The following TENM1 variants were observed in gnomAD, a reference collection of about 807,000 sequenced individuals.
TENM1 encodes the protein teneurin-1.
Under a neutral mutation model 174.8 loss-of-function variants are expected in TENM1, and 35 were observed. The observed-to-expected ratio is 0.20, with a 90% CI of 0.15 to 0.27. The LOEUF is 0.27. Ranked by LOEUF, TENM1 falls within the 10% of genes least tolerant of loss-of-function variation. The pLI, the probability that TENM1 is intolerant of heterozygous loss-of-function variation, is 1.00. For missense variants in TENM1, 1,633 were observed against 2,130.1 expected, an observed-to-expected ratio of 0.77 and a Z score of 4.59; for synonymous variants, 781 against 798.7, an observed-to-expected ratio of 0.98 and a Z score of 0.37.
chrX:125,075,790 T>C, the TENM1 span, among the ~76,000 whole-genome samples: 1 of 111,429 alleles, frequency 9.0e-6, no homozygotes, highest in Non-Finnish European at 1.9e-5. Context: ...TTTGACATAA[T>C]GGCTTACAGT....
the TENM1 span, among the ~76,000 whole-genome samples, chrX:125,097,161 G>A: frequency 9.0e-6 from 1 of 111,486 alleles, no homozygotes; most frequent in Admixed American, 9.5e-5. Flanking sequence ...CCTAACTACT[G>A]AAGACCAGGT....
chrX:124,513,453 T>C (rs1299979033), intron 18 of TENM1, among the ~76,000 whole-genome samples: 1 of 112,267 alleles, frequency 8.9e-6, no homozygotes, highest in African/African-American at 3.2e-5. Flanking sequence ...CTCAATTTCA[T>C]CTGTAACCTT....
At chrX:124,720,282 C>T (rs762681454) in intron 4 of TENM1, among the ~76,000 whole-genome samples, 2 of 111,964 alleles carry the variant, frequency 1.8e-5, no homozygotes, top group South Asian at 7.6e-4. Context: ...GAAACATATA[C>T]AGTCTATTTT....
At chrX:124,837,557 C>G (rs2056417696) in intron 3 of TENM1, among the ~76,000 whole-genome samples, 1 of 111,900 alleles carries the variant, frequency 8.9e-6, no homozygotes, top group Non-Finnish European at 1.9e-5. Flanking sequence ...TGGTGAAAAT[C>G]AGTGAAGTGT....
chrX:124,744,947 A>C (rs754586431), intron 3 of TENM1, among the ~76,000 whole-genome samples: 20 of 112,111 alleles, frequency 1.8e-4, no homozygotes, highest in Non-Finnish European at 2.6e-4. Context: ...TCAGGAAAAC[A>C]TTACAACTGT....
chrX:124,885,037 CA>C (rs1316463632), intron 3 of TENM1, among the ~76,000 whole-genome samples: 2 of 111,334 alleles, frequency 1.8e-5, no homozygotes, highest in Non-Finnish European at 3.8e-5. Flanking sequence ...AGTATTTATG[CA>C]TCTAAATATA....
the TENM1 span, among the ~76,000 whole-genome samples, chrX:125,029,928 T>C: frequency 8.9e-6 from 1 of 111,974 alleles, no homozygotes; most frequent in Non-Finnish European, 1.9e-5. Flanking sequence ...GGAACAGGAT[T>C]GAAGATCATA....
chrX:124,384,427 A>G (rs750785080), exon 30 of TENM1: 1 of 1,211,319 alleles, frequency 8.3e-7, no homozygotes, highest in Admixed American at 2.2e-5. Flanking sequence ...TTACAGAAAC[A>G]GTCTGAAGTT....
At chrX:124,387,805 A>G (rs941839754) in intron 28 of TENM1, among the ~76,000 whole-genome samples, 6 of 112,180 alleles carry the variant, frequency 5.3e-5, no homozygotes, top group African/African-American at 1.9e-4. Flanking sequence ...AGGTGAGTGC[A>G]GAAATCCTGT....
the TENM1 span, among the ~76,000 whole-genome samples, chrX:125,198,449 AT>A: frequency 8.9e-6 from 1 of 111,758 alleles, no homozygotes; most frequent in African/African-American, 3.2e-5. Context: ...TGAATGTTCT[AT>A]TAGAACAAAA....
chrX:124,803,854 T>C (rs2055518823), intron 3 of TENM1, among the ~76,000 whole-genome samples: 1 of 112,590 alleles, frequency 8.9e-6, no homozygotes, highest in Non-Finnish European at 1.9e-5. Context: ...TACTTTTACA[T>C]TTCATTTGAA....
the TENM1 span, among the ~76,000 whole-genome samples, chrX:125,001,842 TATAG>T: frequency 8.2e-5 from 7 of 84,977 alleles, no homozygotes; most frequent in Admixed American, 1.2e-4. Context: ...TATAACAAAC[TATAG>T]ATAGATACAC....
In TENM1 at chrX:124,458,390, G is replaced by A. The variant is rs760931408; in HGVS notation, c.3950-4899C>T. ...TGTGTGTCACTAGAGGTTGGAAGGA[G>A]GCAGAGCTTAATGACAAGCTGAGAT... is the stretch of plus-strand genomic sequence containing the variant. On this transcript the variant is annotated intron_variant, in intron 22 of 31. Transcript: ENST00000422452. 2.7e-5 allele frequency among the ~76,000 whole-genome samples: 3 copies of A among 112,009 alleles called. No individual in the cohort carries two copies. In the South Asian group the frequency reaches 1.1e-3, roughly 42 times the overall value.
chrX:125,028,493 A>G, the TENM1 span, among the ~76,000 whole-genome samples: 1 of 111,785 alleles, frequency 8.9e-6, no homozygotes, highest in Non-Finnish European at 1.9e-5. Context: ...GAACACATGG[A>G]CATATAGAGG....
chrX:125,117,010 C>CA, the TENM1 span, among the ~76,000 whole-genome samples: 4,067 of 47,042 alleles, frequency 0.086, 339 homozygotes, highest in African/African-American at 0.22. Context: ...GACTCTGTCT[C>CA]AAAAAAAAAA....
At chrX:124,906,046 T>G (rs1409569727) in intron 1 of TENM1, among the ~76,000 whole-genome samples, 4 of 111,838 alleles carry the variant, frequency 3.6e-5, no homozygotes, top group African/African-American at 1.3e-4. Flanking sequence ...GATAAACCCA[T>G]TGTAACCTGA....
intron 25 of TENM1, among the ~76,000 whole-genome samples, chrX:124,407,906 G>A (rs1328988513): frequency 8.9e-6 from 1 of 112,039 alleles, no homozygotes; most frequent in Non-Finnish European, 1.9e-5. Context: ...GTGCTATTAT[G>A]CAGCTAAGGA....
chrX:125,011,242 G>A, the TENM1 span, among the ~76,000 whole-genome samples: 4 of 111,514 alleles, frequency 3.6e-5, no homozygotes, highest in Non-Finnish European at 7.5e-5. Flanking sequence ...AGAAGAAAAC[G>A]TAGGTAATAC....
At chrX:124,562,626 C>T (rs777011394) in intron 13 of TENM1, among the ~76,000 whole-genome samples, 1 of 112,644 alleles carries the variant, frequency 8.9e-6, no homozygotes, top group Non-Finnish European at 1.9e-5. Flanking sequence ...GACAATGGTT[C>T]CTCTTTAGAC....
Sources: allele counts gnomAD v4.1 joint callset (sites outside exome capture counted in the v4.1 genomes callset), GRCh38; gene constraint gnomAD v4.1.1; transcripts MANE v1.5; gene names NCBI Gene and HGNC (gene_info 2026-07-23, HGNC 2026-07-21).